Variants in KLHDC10 observed in about 807,000 individuals in gnomAD.
KLHDC10 encodes kelch domain containing 10.
KLHDC10 carries 24 observed loss-of-function variants against 56.1 expected under a neutral mutation model. The observed-to-expected ratio is 0.43, with a 90% CI of 0.31 to 0.60. The LOEUF (loss-of-function observed/expected upper bound fraction) is 0.60. KLHDC10 is among the 20% of genes least tolerant of loss of function. The probability of loss-of-function intolerance (pLI) is 0.11; values close to 1 mark genes in which losing one functional copy is unlikely to be tolerated. For synonymous variants in KLHDC10, 188 were observed against 207.1 expected, an observed-to-expected ratio of 0.91 and a Z score of 0.79; for missense variants, 349 against 567.0, an observed-to-expected ratio of 0.62 and a Z score of 3.91.
At chr7:130,121,279 A>G (rs571373647) in intron 4 of KLHDC10, among the ~76,000 whole-genome samples, 4 of 152,156 alleles carry the variant, frequency 2.6e-5, no homozygotes, top group Admixed American at 6.5e-5. Context: ...TCTTGAGTAG[A>G]TGAGAAAGCA....
At chr7:130,119,905 A>C (rs1796226862) in intron 3 of KLHDC10, among the ~76,000 whole-genome samples, 2 of 151,916 alleles carry the variant, frequency 1.3e-5, no homozygotes, top group African/African-American at 4.8e-5. Context: ...GAGAGAGAGA[A>C]AGAGCATATG....
intron 3 of KLHDC10, among the ~76,000 whole-genome samples, chr7:130,118,714 A>G (rs879321333): frequency 1.3e-5 from 2 of 152,104 alleles, no homozygotes; most frequent in Non-Finnish European, 2.9e-5. Flanking sequence ...TTTCACTTCA[A>G]TACTCAGAGG....
At chr7:130,109,741 C>A (rs565364581) in intron 2 of KLHDC10, among the ~76,000 whole-genome samples, 2 of 152,114 alleles carry the variant, frequency 1.3e-5, no homozygotes, top group African/African-American at 4.8e-5. Context: ...CAGTTTCAAG[C>A]GATTCTCATG....
chr7:130,118,415 T>C (rs1342973236), intron 3 of KLHDC10, among the ~76,000 whole-genome samples: 4 of 152,226 alleles, frequency 2.6e-5, no homozygotes, highest in Non-Finnish European at 4.4e-5. Context: ...AGTCAGGGCC[T>C]TGCTCTGAAT....
chr7:130,096,741 C>G (rs1795854394), intron 1 of KLHDC10, among the ~76,000 whole-genome samples, 180 bp from the exon 2 acceptor site: 1 of 152,124 alleles, frequency 6.6e-6, no homozygotes, highest in African/African-American at 2.4e-5. Flanking sequence ...TTCATCACTG[C>G]TTATATGTTA....
chr7:130,105,199 A>G (rs1795991841), intron 2 of KLHDC10, among the ~76,000 whole-genome samples: 1 of 152,242 alleles, frequency 6.6e-6, no homozygotes, highest in South Asian at 2.1e-4. Context: ...TTTTGGCTTT[A>G]CCAAACGAAG....
At chr7:130,107,073 A>T (rs1415399905) in intron 2 of KLHDC10, among the ~76,000 whole-genome samples, 2 of 152,376 alleles carry the variant, frequency 1.3e-5, no homozygotes, top group African/African-American at 4.8e-5. Flanking sequence ...AGAATACTAT[A>T]AGAAACCAGT....
Position 130,109,015 on chromosome 7 carries a change from A to G in KLHDC10, c.254-7430A>G, listed in dbSNP as rs149120629. Reference sequence around the variant, plus strand: ...CTGCAGCCTCCGCCTCCGGGGTCTAAGTGATTCTTCCGCCTCAGCCTCCTG... The same window carrying G: ...CTGCAGCCTCCGCCTCCGGGGTCTAGGTGATTCTTCCGCCTCAGCCTCCTG... On this transcript the variant is annotated intron_variant, in intron 2 of 9. Coordinates refer to ENST00000335420, the MANE Select transcript of KLHDC10 (RefSeq NM_014997.4). Among the ~76,000 whole-genome samples the G allele has an allele frequency of 5.1e-4, 78 of 152,020 alleles. No homozygotes were observed. In the East Asian group the frequency reaches 0.015, roughly 28 times the overall value.
chr7:130,128,889 A>AAAAATATAT, intron 8 of KLHDC10, among the ~76,000 whole-genome samples: 15 of 66,956 alleles, frequency 2.2e-4, no homozygotes, highest in African/African-American at 8.1e-4. Flanking sequence ...AAAAAAAAAA[A>AAAAATATAT]ATATATATAT....
chr7:130,128,889 A>AAAAAAAAAAAAATATATATATATAT, intron 8 of KLHDC10, among the ~76,000 whole-genome samples: 12 of 66,942 alleles, frequency 1.8e-4, no homozygotes, highest in Non-Finnish European at 3.3e-4. Context: ...AAAAAAAAAA[A>AAAAAAAAAAAAATATATATATATAT]ATATATATAT....
rs555687348 is a variant in KLHDC10, at chr7:130,120,661, T to C, written c.476-88T>C. ...TCTTATGAGATCATTAAAGCAGATA[T>C]GTGTAGCTTCTCAGATATTCTGGGT... On this transcript the variant is annotated intron_variant, in intron 3 of 9. Coordinates refer to ENST00000335420, the MANE Select transcript of KLHDC10 (RefSeq NM_014997.4). This position sits in a 1 kb window ranked among gnomAD's most constrained non-coding sequence, Gnocchi z 5.1. The C allele has an allele frequency of 1.8e-5, 25 of 1,382,186 alleles. No individual in the cohort carries two copies. The highest frequency in any genetic ancestry group is 1.4e-4 in the Admixed American group (8 of 56,208). The allele number at this position is 1,382,186 out of a possible 1,614,324, so 85.6% of individuals were successfully genotyped here.
intron 3 of KLHDC10, among the ~76,000 whole-genome samples, chr7:130,117,140 C>T (rs547091925): frequency 1.2e-4 from 18 of 152,170 alleles, no homozygotes; most frequent in Non-Finnish European, 2.1e-4. Context: ...ATAGCATTAT[C>T]TCTAAAAAAC....
chr7:130,105,345 C>G (rs188619615), intron 2 of KLHDC10, among the ~76,000 whole-genome samples: 1 of 152,190 alleles, frequency 6.6e-6, no homozygotes. Flanking sequence ...TTGAAACAAC[C>G]CAAAATGCCT....
intron 1 of KLHDC10, among the ~76,000 whole-genome samples, chr7:130,079,104 C>G (rs1423014026): frequency 6.6e-6 from 1 of 151,882 alleles, no homozygotes; most frequent in East Asian, 1.9e-4. Flanking sequence ...GTTGCCTAGG[C>G]TGGAGTACAG....
chr7:130,088,744 G>A lies in KLHDC10; in HGVS notation c.167-8177G>A, dbSNP rs1795728305. Among the ~76,000 whole-genome samples, 5 of 150,888 alleles carry A rather than the reference G, an allele frequency of 3.3e-5. No homozygotes were observed. The South Asian group carries it at 1.0e-3, about 32-fold the overall frequency. On this transcript the variant is annotated intron_variant, in intron 1 of 9. Transcript: ENST00000335420. ...TGCAACCTCTGCCTCCCAGGTTCAG[G>A]TGATTCTCCTGCCTCAGCCTCCCGA...
chr7:130,093,709 T>C (rs1795810712), intron 1 of KLHDC10, among the ~76,000 whole-genome samples: 2 of 152,208 alleles, frequency 1.3e-5, no homozygotes, highest in South Asian at 4.1e-4. Flanking sequence ...GTTATGTTGC[T>C]GGTTTCTCTT....
Position 130,116,191 on chromosome 7 carries a change from A to G in KLHDC10, c.254-254A>G, listed in dbSNP as rs1796165305. Among the ~76,000 whole-genome samples, 1 of 152,102 alleles carries G rather than the reference A, an allele frequency of 6.6e-6. No homozygotes were observed. Among genetic ancestry groups the G allele is most frequent in the African/African-American group, 2.4e-5 (1 of 41,406 alleles). On this transcript the variant is annotated intron_variant, in intron 2 of 9. Coordinates refer to ENST00000335420, the MANE Select transcript of KLHDC10 (RefSeq NM_014997.4). The surrounding 1 kb of genome is among the most constrained non-coding windows in gnomAD (Gnocchi z 4.8). ...TTTTCTTGAATTTGTCATGCTTTTT[A>G]CAGTTATCAAAATCTGAAGGTAGTC... is the stretch of plus-strand genomic sequence containing the variant.
chr7:130,077,445 TA>T (rs1359545571), intron 1 of KLHDC10, among the ~76,000 whole-genome samples: 4 of 149,648 alleles, frequency 2.7e-5, no homozygotes, highest in Admixed American at 6.6e-5. Flanking sequence ...AAAAGTTGTT[TA>T]TTTTTTTATA....
At chr7:130,087,277 G>A (rs115750410) in intron 1 of KLHDC10, among the ~76,000 whole-genome samples, 2,451 of 152,228 alleles carry the variant, frequency 0.016, 67 homozygotes, top group African/African-American at 0.056. Flanking sequence ...TTACTTTCCT[G>A]ACCCATTCTC....
Sources: allele counts gnomAD v4.1 joint callset (sites outside exome capture counted in the v4.1 genomes callset), GRCh38; gene constraint gnomAD v4.1.1; non-coding constraint Gnocchi (gnomAD v3.1); transcripts MANE v1.5; gene names NCBI Gene and HGNC (gene_info 2026-07-23, HGNC 2026-07-21).